DIAPH3: variants seen among roughly 807,000 people sequenced by gnomAD.
DIAPH3 encodes protein diaphanous homolog 3.
A neutral mutation model predicts 144.3 loss-of-function variants in DIAPH3; 117 were observed. The ratio of observed to expected loss-of-function variants is 0.81; its 90% CI spans 0.70 to 0.95. The LOEUF is 0.95. Among genes scored for constraint, DIAPH3 ranks in the 40% least tolerant of loss-of-function variants. DIAPH3 has a pLI of 0.00. For missense variants in DIAPH3, 1,421 were observed against 1,412.7 expected (o/e 1.01, Z -0.09); for synonymous variants, 519 against 488.9 (o/e 1.06, Z -0.81).
intron 21 of DIAPH3, among the ~76,000 whole-genome samples, chr13:59,864,710 A>G (rs2043812316): frequency 6.6e-6 from 1 of 152,074 alleles, no homozygotes. Flanking sequence ...TAAATACTCA[A>G]GTCAAACACA....
intron 27 of DIAPH3, among the ~76,000 whole-genome samples, chr13:59,772,684 C>T (rs1407980019): frequency 1.3e-5 from 2 of 152,054 alleles, no homozygotes; most frequent in South Asian, 2.1e-4. Context: ...TTTTCCCCCA[C>T]ATAGTATCTA....
intron 3 of DIAPH3, among the ~76,000 whole-genome samples, chr13:60,098,465 A>T (rs1211577478): frequency 2.0e-5 from 3 of 152,098 alleles, no homozygotes; most frequent in Non-Finnish European, 2.9e-5. Context: ...CACCTGGGGC[A>T]TGGGTGCACC....
chr13:60,115,712 A>G (rs546505727), intron 2 of DIAPH3, among the ~76,000 whole-genome samples: 33 of 152,292 alleles, frequency 2.2e-4, no homozygotes, highest in Non-Finnish European at 4.9e-4. Flanking sequence ...GTTTTATGGT[A>G]TTAAGTGAGA....
At chr13:60,041,364 C>T (rs1046219207) in intron 5 of DIAPH3, among the ~76,000 whole-genome samples, 24 of 152,286 alleles carry the variant, frequency 1.6e-4, no homozygotes, top group South Asian at 4.1e-4. Flanking sequence ...AGGTAAATTA[C>T]ACATATGAAG....
At chr13:60,014,221 C>T (rs2053474952) in intron 7 of DIAPH3, among the ~76,000 whole-genome samples, 1 of 152,054 alleles carries the variant, frequency 6.6e-6, no homozygotes, top group East Asian at 1.9e-4. Flanking sequence ...ATGAAATTTC[C>T]AATTTCTATA....
At chr13:60,152,949 C>T (rs1951865759) in intron 1 of DIAPH3, among the ~76,000 whole-genome samples, 1 of 152,100 alleles carries the variant, frequency 6.6e-6, no homozygotes, top group Non-Finnish European at 1.5e-5. Flanking sequence ...AAACTGTGGT[C>T]TACAGAGGCC....
intron 21 of DIAPH3, among the ~76,000 whole-genome samples, chr13:59,869,937 T>C (rs936589032): frequency 5.3e-5 from 8 of 152,186 alleles, no homozygotes; most frequent in Non-Finnish European, 1.2e-4. Flanking sequence ...CTGTTTTCTT[T>C]TCATTGTCTT....
At chr13:59,944,801 G>GT (rs1566553084) in intron 17 of DIAPH3, among the ~76,000 whole-genome samples, 1 of 149,534 alleles carries the variant, frequency 6.7e-6, no homozygotes, top group African/African-American at 2.4e-5. Context: ...AAAAGGGGGG[G>GT]GGCTATTATC....
intron 5 of DIAPH3, among the ~76,000 whole-genome samples, chr13:60,023,713 C>T (rs1482381451): frequency 3.3e-5 from 5 of 152,042 alleles, no homozygotes; most frequent in East Asian, 1.9e-4. Context: ...GGATTACAGG[C>T]GTGAGCCACC....
intron 12 of DIAPH3, among the ~76,000 whole-genome samples, chr13:59,988,680 T>A (rs992107082): frequency 1.3e-5 from 2 of 151,936 alleles, no homozygotes; most frequent in Non-Finnish European, 2.9e-5. Flanking sequence ...GGATGAACAT[T>A]AAGTTGTCAT....
chr13:60,090,199 C>T (rs2057885114), intron 4 of DIAPH3, among the ~76,000 whole-genome samples: 2 of 152,056 alleles, frequency 1.3e-5, no homozygotes, highest in African/African-American at 2.4e-5. Context: ...GATCACGTTC[C>T]CATGCCCTGA....
chr13:60,088,695 C>T (rs1374421714), intron 4 of DIAPH3, among the ~76,000 whole-genome samples: 1 of 152,174 alleles, frequency 6.6e-6, no homozygotes, highest in Non-Finnish European at 1.5e-5. Flanking sequence ...GATCTCAGCT[C>T]ACCGCAACCT....
In DIAPH3 at chr13:59,974,372, G is replaced by C; in HGVS notation, c.1630C>G (p.Leu544Val). The C allele has an allele frequency of 6.2e-7, 1 of 1,611,922 alleles. No individual in the cohort carries two copies. Among genetic ancestry groups the C allele is most frequent in the Non-Finnish European group, 8.5e-7 (1 of 1,179,424 alleles). Residue 544 changes from leucine (L) to valine (V), a missense_variant, in exon 15 of 28, where the codon CTA (leucine) becomes GTA (valine). By Grantham distance (32) the Leu-to-Val change is conservative. Coordinates refer to ENST00000400324, the MANE Select transcript of DIAPH3 (RefSeq NM_001042517.2). ...EAKINELQAELQAFKSQFGAL... is the reference protein window; with the variant it reads ...EAKINELQAEVQAFKSQFGAL... ...TTTACCTGAGACTTAAAAGCTTGTA[G>C]CTCTGCTTGAAGCTCATTAATCTTT...
At chr13:59,984,683 A>C in intron 12 of DIAPH3, among the ~76,000 whole-genome samples, 1 of 145,978 alleles carries the variant, frequency 6.9e-6, no homozygotes, top group Non-Finnish European at 1.5e-5. Context: ...ATCAGAGAAT[A>C]CTACAAACAC....
chr13:60,042,438 A>G (rs1356135894), intron 5 of DIAPH3, among the ~76,000 whole-genome samples: 2 of 152,212 alleles, frequency 1.3e-5, no homozygotes, highest in African/African-American at 4.8e-5. Context: ...ATTGTCTTTT[A>G]GAAAACACCT....
At chr13:59,761,886 G>T (rs2037608776) in intron 27 of DIAPH3, among the ~76,000 whole-genome samples, 1 of 151,880 alleles carries the variant, frequency 6.6e-6, no homozygotes, top group Non-Finnish European at 1.5e-5. Flanking sequence ...TTCGGCTTCT[G>T]GTTATATCTT....
chr13:59,942,743 T>C (rs1209651019), intron 17 of DIAPH3, among the ~76,000 whole-genome samples: 1 of 152,128 alleles, frequency 6.6e-6, no homozygotes, highest in Non-Finnish European at 1.5e-5. Context: ...TATACAAATA[T>C]ACAATTGAAG....
chr13:59,878,476 TGG>T (rs2044775232), intron 21 of DIAPH3, among the ~76,000 whole-genome samples: 7 of 152,106 alleles, frequency 4.6e-5, no homozygotes, highest in African/African-American at 1.4e-4. Context: ...TCAGGGAGTG[TGG>T]TTGTTACGAG....
chr13:60,070,766 C>T (rs890506574), intron 4 of DIAPH3, among the ~76,000 whole-genome samples: 1 of 152,188 alleles, frequency 6.6e-6, no homozygotes, highest in Admixed American at 6.5e-5. Context: ...TACACTGCGG[C>T]TTTATGTCAG....
Sources: gnomAD v4.1 joint callset for allele counts (sites outside exome capture counted in the v4.1 genomes callset) on GRCh38, gnomAD v4.1.1 for gene constraint, MANE v1.5 for transcripts, NCBI Gene and HGNC (gene_info 2026-07-23, HGNC 2026-07-21) for gene names.